Variants in CSMD2 observed in about 807,000 individuals in gnomAD.
The protein encoded by CSMD2 is CUB and sushi domain-containing protein 2.
A neutral mutation model predicts 398.5 loss-of-function variants in CSMD2; 130 were observed. The observed-to-expected ratio is 0.33, with a 90% CI of 0.28 to 0.38. The LOEUF is 0.38. Among genes scored for constraint, CSMD2 ranks in the 10% least tolerant of loss-of-function variants. The probability of loss-of-function intolerance (pLI) is 1.00; values close to 1 mark genes in which losing one functional copy is unlikely to be tolerated. For missense variants in CSMD2, 3,829 were observed against 4,764.9 expected (o/e 0.80, Z 5.78); for synonymous variants, 1,828 against 1,908.5 (o/e 0.96, Z 1.10).
rs34749287 is a variant in CSMD2, at chr1:33,946,790, C to CT, written c.518-10837dup. Among the ~76,000 whole-genome samples the CT allele has an allele frequency of 1.4e-3, 207 of 143,840 alleles. 1 individual carries two copies. Among genetic ancestry groups the CT allele is most frequent in the Middle Eastern group, 0.011 (3 of 282 alleles). The allele number at this position is 143,840 out of a possible 152,430, so 94.4% of individuals were successfully genotyped here. On this transcript the variant is annotated intron_variant, in intron 3 of 70. Transcript: ENST00000373381. ...CGCACCACCCACCATGTCCAGCTAA[C>CT]TTTTTTTTTTTTTTTGTATTTTTAG...
chr1:33,929,222 C>G (rs961863051), intron 4 of CSMD2, among the ~76,000 whole-genome samples: 2 of 152,098 alleles, frequency 1.3e-5, no homozygotes, highest in Non-Finnish European at 2.9e-5. Flanking sequence ...CTACGCCTGT[C>G]CCTCCACCTC....
At position 33,559,817 on chromosome 1, in the gene CSMD2, G is replaced by A. The variant is rs2148658901; in HGVS notation, c.8381-344C>T. Among the ~76,000 whole-genome samples, 1 of 152,008 alleles carries A rather than the reference G, an allele frequency of 6.6e-6. No individual in the cohort carries two copies. Among genetic ancestry groups the A allele is most frequent in the African/African-American group, 2.4e-5 (1 of 41,454 alleles). Reference sequence around the variant, plus strand: ...TCCCCAGATCCATTCTTAATTGCTGGGTATACTGATGGCCAACTGTCAGCT... The same window carrying A: ...TCCCCAGATCCATTCTTAATTGCTGAGTATACTGATGGCCAACTGTCAGCT... On this transcript the variant is annotated intron_variant, in intron 53 of 70. Coordinates refer to ENST00000373381, the MANE Select transcript of CSMD2 (RefSeq NM_001281956.2). The surrounding 1 kb of genome is among the most constrained non-coding windows in gnomAD (Gnocchi z 4.0).
At chr1:34,047,149 C>T (rs374748278) in intron 2 of CSMD2, among the ~76,000 whole-genome samples, 1 of 152,240 alleles carries the variant, frequency 6.6e-6, no homozygotes, top group African/African-American at 2.4e-5. Flanking sequence ...CCTCTGCTGC[C>T]ACTACCCGCT....
At chr1:33,588,510 T>G (rs1639231666) in intron 44 of CSMD2, among the ~76,000 whole-genome samples, 1 of 152,226 alleles carries the variant, frequency 6.6e-6, no homozygotes, top group Non-Finnish European at 1.5e-5. Flanking sequence ...AGATATTAAC[T>G]AGGAGCCTAT....
chr1:34,087,160 G>C lies in CSMD2; in HGVS notation c.404+1817C>G, dbSNP rs188765587. Among the ~76,000 whole-genome samples the C allele has an allele frequency of 2.1e-3, 318 of 151,996 alleles. 6 individuals are homozygous for C. Among genetic ancestry groups the C allele is most frequent in the Non-Finnish European group, 5.4e-4 (37 of 67,986 alleles). ...CATTTCCTGTGCCCTTAGCCTAGAA[G>C]CTTTCCCTAGATACCTACATGGGAT... On this transcript the variant is annotated intron_variant, in intron 2 of 70. Coordinates refer to ENST00000373381, the MANE Select transcript of CSMD2 (RefSeq NM_001281956.2).
chr1:33,670,942 G>C (rs1644476575), intron 25 of CSMD2, among the ~76,000 whole-genome samples: 1 of 152,186 alleles, frequency 6.6e-6, no homozygotes, highest in African/African-American at 2.4e-5. Flanking sequence ...AGAGAAAAGA[G>C]AGATGAGAGA....
chr1:34,028,518 A>G (rs976597675), intron 3 of CSMD2, among the ~76,000 whole-genome samples: 3 of 152,086 alleles, frequency 2.0e-5, no homozygotes, highest in African/African-American at 7.2e-5. Flanking sequence ...AAGTTCCCAC[A>G]TCCTCCCCTG....
At chr1:33,842,735 T>C (rs1038230027) in intron 6 of CSMD2, among the ~76,000 whole-genome samples, 1 of 152,214 alleles carries the variant, frequency 6.6e-6, no homozygotes. Context: ...TCATGCAGTT[T>C]TCATGTGTCA....
intron 5 of CSMD2, among the ~76,000 whole-genome samples, chr1:33,900,168 T>C (rs1642654194): frequency 6.6e-6 from 1 of 152,204 alleles, no homozygotes; most frequent in Non-Finnish European, 1.5e-5. Context: ...CTGTTCAAAG[T>C]CTTCTGTGCC....
At chr1:34,028,810 C>T (rs10799020) in intron 3 of CSMD2, among the ~76,000 whole-genome samples, 15,327 of 152,218 alleles carry the variant, frequency 0.1, 1,331 homozygotes, top group East Asian at 0.38. Flanking sequence ...CCAGCTGCTG[C>T]GGCCCACGCT....
intron 6 of CSMD2, among the ~76,000 whole-genome samples, chr1:33,838,156 A>G (rs1056922687): frequency 6.6e-5 from 10 of 152,160 alleles, no homozygotes; most frequent in African/African-American, 2.4e-4. Context: ...CCCCTCCAAT[A>G]AACTAGATCA....
At chr1:33,637,414 C>T (rs147364822) in intron 29 of CSMD2, among the ~76,000 whole-genome samples, 170 of 152,300 alleles carry the variant, frequency 1.1e-3, no homozygotes, top group African/African-American at 3.9e-3. Context: ...TCTACTCTGT[C>T]GCTCTGCATC....
At chr1:33,593,311 T>C (rs16835654) in intron 44 of CSMD2, among the ~76,000 whole-genome samples, 15,272 of 152,276 alleles carry the variant, frequency 0.1, 1,123 homozygotes, top group African/African-American at 0.2. Flanking sequence ...ATAGAAAATA[T>C]AGTTGAATGT....
At chr1:33,622,963 A>C (rs551276123) in intron 36 of CSMD2, among the ~76,000 whole-genome samples, 1 of 152,382 alleles carries the variant, frequency 6.6e-6, no homozygotes, top group Non-Finnish European at 1.5e-5. Flanking sequence ...CTGTCCTTAC[A>C]ATGAAGTGCT....
intron 5 of CSMD2, among the ~76,000 whole-genome samples, chr1:33,884,143 A>G (rs1641426550): frequency 1.3e-5 from 2 of 151,996 alleles, no homozygotes; most frequent in African/African-American, 4.8e-5. Flanking sequence ...GCTCCCAGGA[A>G]GTCCTAATAC....
Position 33,972,212 on chromosome 1 carries a change from C to A in CSMD2, c.518-36258G>T, listed in dbSNP as rs766274180. The stretch of plus-strand genomic sequence containing the variant: ...AAAGAAAAAGGGGAATGTGGCCCAG[C>A]CCTTGCTGTCCTCGAGGCTAAGCCA... On this transcript the variant is annotated intron_variant, in intron 3 of 70. Transcript: ENST00000373381. Among the ~76,000 whole-genome samples the A allele has an allele frequency of 1.5e-4, 23 of 152,294 alleles. 1 individual carries two copies. Among genetic ancestry groups the A allele is most frequent in the South Asian group, 6.2e-4 (3 of 4,826 alleles).
intron 3 of CSMD2, among the ~76,000 whole-genome samples, chr1:33,979,857 C>A (rs1646101788): frequency 6.6e-6 from 1 of 152,212 alleles, no homozygotes; most frequent in South Asian, 2.1e-4. Flanking sequence ...TGGGCAAGTT[C>A]TTTAACCTCT....
chr1:33,856,150 T>A (rs983114083), intron 5 of CSMD2, among the ~76,000 whole-genome samples: 1 of 152,194 alleles, frequency 6.6e-6, no homozygotes, highest in Middle Eastern at 3.2e-3. Context: ...ATGTGAACTA[T>A]TTTCCCCCTG....
rs544262159 is a variant in CSMD2, at chr1:33,519,527, T to A, written c.10887A>T (p.Thr3629=). ...EAEFTVSTVC[T]AV ...CGGCCAGGCCGGGTGGCTATACTGC[T>A]GTGCACACTGTGCTGACTGTGAACT... is the stretch of plus-strand genomic sequence containing the variant. Residue 3629 remains threonine (T), a synonymous_variant, in exon 70 of 71, where the codon ACA becomes ACT. Coordinates refer to ENST00000373381, the MANE Select transcript of CSMD2 (RefSeq NM_001281956.2). This position sits in a 1 kb window ranked among gnomAD's most constrained non-coding sequence, Gnocchi z 5.6. 5.0e-6 allele frequency: 8 copies of A among 1,613,756 alleles called. No individual in the cohort carries two copies. The Admixed American group carries it at 1.0e-4, about 20-fold the overall frequency.
Sources: allele counts gnomAD v4.1 joint callset (sites outside exome capture counted in the v4.1 genomes callset), GRCh38; gene constraint gnomAD v4.1.1; non-coding constraint Gnocchi (gnomAD v3.1); transcripts MANE v1.5; gene names NCBI Gene and HGNC (gene_info 2026-07-23, HGNC 2026-07-21).